TRAF3IP2: variants seen among roughly 807,000 people sequenced by gnomAD.
TRAF3IP2 encodes the protein TRAF3 interacting protein 2.
Under a neutral mutation model 57.9 loss-of-function variants are expected in TRAF3IP2, and 35 were observed. That is an observed-to-expected ratio of 0.60 (90% CI 0.46 to 0.80). TRAF3IP2 has a LOEUF of 0.80. Among genes scored for constraint, TRAF3IP2 ranks in the 30% least tolerant of loss-of-function variants. TRAF3IP2 has a pLI of 0.00. For synonymous variants in TRAF3IP2, 251 were observed against 268.9 expected, an observed-to-expected ratio of 0.93 and a Z score of 0.65; for missense variants, 556 against 706.4, an observed-to-expected ratio of 0.79 and a Z score of 2.41.
At chr6:111,601,118 T>C (rs1228174198) in intron 1 of TRAF3IP2, 2 of 709,188 alleles carry the variant, frequency 2.8e-6, no homozygotes, top group Admixed American at 1.9e-5. Context: ...GTTCAGCTAT[T>C]GGGAGGGAAG....
In TRAF3IP2 at chr6:111,558,023, CA is replaced by C. The variant is rs557886377; in HGVS notation, c.*1381del. On this transcript the variant is annotated 3_prime_UTR_variant, in exon 9 of 9. Coordinates refer to ENST00000368761, the MANE Select transcript of TRAF3IP2 (RefSeq NM_147686.4). Reference sequence around the variant, plus strand: ...CGACAGAGCGAGACTCTGTCTCAAACAAAAAAAAAGAAGAAGAAAATGTCTC... The same window carrying C: ...CGACAGAGCGAGACTCTGTCTCAAACAAAAAAAAGAAGAAGAAAATGTCTC... 380 of 146,642 alleles carry C rather than the reference CA, an allele frequency of 2.6e-3. 1 individual carries two copies. The highest frequency in any genetic ancestry group is 4.3e-3 in the Non-Finnish European group (282 of 66,218). 9.1% of individuals were successfully genotyped at this position (146,642 alleles called of 1,614,324 possible).
At position 111,582,718 on chromosome 6, in the gene TRAF3IP2, G is replaced by A. The variant is rs907543641; in HGVS notation, c.830-2329C>T. 3.3e-5 allele frequency among the ~76,000 whole-genome samples: 5 copies of A among 152,264 alleles called. No individual in the cohort carries two copies. The East Asian group carries it at 7.7e-4, about 24-fold the overall frequency. The stretch of plus-strand genomic sequence containing the variant: ...CCCTGCTTTTCAATGAGCCTTGCAT[G>A]AGCAGACCCTTTACAAACCCAGCTG... On this transcript the variant is annotated intron_variant, in intron 2 of 8. Coordinates refer to ENST00000368761, the MANE Select transcript of TRAF3IP2 (RefSeq NM_147686.4).
intron 8 of TRAF3IP2, among the ~76,000 whole-genome samples, chr6:111,560,998 A>G (rs752342715): frequency 1.1e-4 from 16 of 152,306 alleles, no homozygotes; most frequent in East Asian, 5.8e-4. Flanking sequence ...CCTGGCCAAC[A>G]TGGTGAAACC....
intron 1 of TRAF3IP2, among the ~76,000 whole-genome samples, chr6:111,605,518 G>A (rs528220823): frequency 1.3e-5 from 2 of 152,370 alleles, no homozygotes; most frequent in African/African-American, 4.8e-5. Context: ...CCGTGTGCGA[G>A]CCTCCTCTCC....
rs755092394 is a variant in TRAF3IP2, at chr6:111,591,678, G to A, written c.409C>T (p.Arg137Cys). The A allele has an allele frequency of 1.2e-5, 19 of 1,614,060 alleles. No homozygotes were observed. The highest frequency in any genetic ancestry group is 1.4e-5 in the Non-Finnish European group (16 of 1,180,040). The change falls in exon 2 of 9, where the codon CGT (arginine) becomes TGT (cysteine). Residue 137 changes from arginine to cysteine, a missense_variant. Physicochemically the swap from Arg to Cys is radical, Grantham distance 180. Coordinates refer to ENST00000368761, the MANE Select transcript of TRAF3IP2 (RefSeq NM_147686.4). The surrounding 1 kb of genome is among the most constrained non-coding windows in gnomAD (Gnocchi z 4.9). ...AGCTGAGATACCAGCCATTGATTAC[G>A]TTTTTCCATAAATGAAAACTGATGC... Reference protein sequence around the residue: ...AEHQFSFMEKRNQWLVSQLSA... With the variant: ...AEHQFSFMEKCNQWLVSQLSA...
At chr6:111,589,654 C>T (rs1796447052) in intron 2 of TRAF3IP2, among the ~76,000 whole-genome samples, 1 of 152,154 alleles carries the variant, frequency 6.6e-6, no homozygotes. Context: ...CCCGCTCCAG[C>T]CCAAGGCCCC....
At position 111,558,365 on chromosome 6, in the gene TRAF3IP2, T is replaced by C. The variant is rs1290087503; in HGVS notation, c.*1040A>G. On this transcript the variant is annotated 3_prime_UTR_variant, in exon 9 of 9. Coordinates refer to ENST00000368761, the MANE Select transcript of TRAF3IP2 (RefSeq NM_147686.4). ...CTATGTAGTCAGATCCTGAGAACCA[T>C]AATCATACTATTTAGAATCATGGCT... 1 of 152,254 alleles carries C rather than the reference T, an allele frequency of 6.6e-6. No homozygotes were observed. The highest frequency in any genetic ancestry group is 2.4e-5 in the African/African-American group (1 of 41,472). The allele number at this position is 152,254 out of a possible 1,614,324, so 9.4% of individuals were successfully genotyped here. A position where few individuals can be genotyped will look rare whatever the true frequency, so the allele number is the denominator to read the frequency against.
intron 1 of TRAF3IP2, among the ~76,000 whole-genome samples, chr6:111,593,673 G>A (rs765397833): frequency 9.9e-5 from 15 of 151,922 alleles, no homozygotes; most frequent in Non-Finnish European, 1.5e-4. Context: ...TCCTCCCTCC[G>A]TCTCTCCCTT....
In TRAF3IP2 at chr6:111,557,964, G is replaced by A. The variant is rs1005202384; in HGVS notation, c.*1441C>T. The A allele has an allele frequency of 6.6e-6, 1 of 152,044 alleles. No individual in the cohort carries two copies. Among genetic ancestry groups the A allele is most frequent in the African/African-American group, 2.4e-5 (1 of 41,392 alleles). 9.4% of individuals were successfully genotyped at this position (152,044 alleles called of 1,614,324 possible). On this transcript the variant is annotated 3_prime_UTR_variant, in exon 9 of 9. Transcript: ENST00000368761. The stretch of plus-strand genomic sequence containing the variant: ...GAACCCAGGAGGCGCAGGTTGCAGT[G>A]AGCCAAGATTGCAGCACTGCACTCC...
At chr6:111,586,594 A>T (rs1796345771) in intron 2 of TRAF3IP2, among the ~76,000 whole-genome samples, 1 of 152,138 alleles carries the variant, frequency 6.6e-6, no homozygotes, top group Non-Finnish European at 1.5e-5. Flanking sequence ...ACTTGCAAAA[A>T]GCTTAGATAT....
intron 7 of TRAF3IP2, among the ~76,000 whole-genome samples, chr6:111,564,338 A>T (rs1470273802): frequency 6.6e-6 from 1 of 152,162 alleles, no homozygotes; most frequent in Non-Finnish European, 1.5e-5. Flanking sequence ...CATGAAAGGA[A>T]GGGGATGGGG....
intron 3 of TRAF3IP2, among the ~76,000 whole-genome samples, chr6:111,579,513 A>G (rs1266374886): frequency 6.6e-6 from 1 of 152,120 alleles, no homozygotes; most frequent in Non-Finnish European, 1.5e-5. Context: ...TGGGTGGATC[A>G]CTTGAGCCCA....
chr6:111,593,627 A>G (rs1294351712), intron 1 of TRAF3IP2, among the ~76,000 whole-genome samples: 2 of 152,134 alleles, frequency 1.3e-5, no homozygotes, highest in Non-Finnish European at 2.9e-5. Context: ...CTGACGCAAC[A>G]GAAAACTCAA....
Position 111,597,167 on chromosome 6 carries a change from T to C in TRAF3IP2, c.-8-5073A>G, listed in dbSNP as rs921402489. 2.6e-5 allele frequency among the ~76,000 whole-genome samples: 4 copies of C among 152,074 alleles called. No homozygotes were observed. In the South Asian group the frequency reaches 8.3e-4, roughly 31 times the overall value. ...GTGGGTGACCCTTCCCTCTTCTTTT[T>C]TTTTCCTCTCCAGAACATTTATTAA... On this transcript the variant is annotated intron_variant, in intron 1 of 8. Transcript: ENST00000368761.
At chr6:111,579,685 T>C (rs1301472151) in intron 3 of TRAF3IP2, among the ~76,000 whole-genome samples, 4 of 152,132 alleles carry the variant, frequency 2.6e-5, no homozygotes, top group Non-Finnish European at 5.9e-5. Context: ...TGAGTCAAGT[T>C]TGCACCACTG....
chr6:111,589,169 T>C (rs1199862111), intron 2 of TRAF3IP2, among the ~76,000 whole-genome samples: 1 of 151,376 alleles, frequency 6.6e-6, no homozygotes, highest in East Asian at 1.9e-4. Context: ...CAGGCAATTC[T>C]TGTGCCTCAG....
intron 1 of TRAF3IP2, among the ~76,000 whole-genome samples, chr6:111,595,556 G>T (rs992509800): frequency 6.6e-6 from 1 of 152,174 alleles, no homozygotes; most frequent in Non-Finnish European, 1.5e-5. Context: ...CATGCCGGGC[G>T]CCGTGACTCA....
intron 2 of TRAF3IP2, among the ~76,000 whole-genome samples, chr6:111,581,248 G>T (rs3777910): frequency 6.6e-6 from 1 of 152,034 alleles, no homozygotes; most frequent in East Asian, 1.9e-4. Flanking sequence ...GAGAGGGAAG[G>T]GCTCTGAGGG....
intron 7 of TRAF3IP2, among the ~76,000 whole-genome samples, chr6:111,564,677 G>A (rs1053728454): frequency 1.3e-5 from 2 of 152,178 alleles, no homozygotes; most frequent in African/African-American, 4.8e-5. Context: ...CTTCTATGAT[G>A]AGTAAGGGCC....
Sources: allele counts gnomAD v4.1 joint callset (sites outside exome capture counted in the v4.1 genomes callset), GRCh38; gene constraint gnomAD v4.1.1; non-coding constraint Gnocchi (gnomAD v3.1); transcripts MANE v1.5; gene names NCBI Gene and HGNC (gene_info 2026-07-23, HGNC 2026-07-21).